The following SCHIP1 variants were observed in gnomAD, a reference collection of about 807,000 sequenced individuals.
The protein encoded by SCHIP1 is schwannomin-interacting protein 1.
SCHIP1 carries 8 observed loss-of-function variants against 29.7 expected under a neutral mutation model. That is an observed-to-expected ratio of 0.27 (90% CI 0.16 to 0.49). SCHIP1 has a LOEUF of 0.49. Ranked by LOEUF, SCHIP1 falls within the 20% of genes least tolerant of loss-of-function variation. The pLI is 0.99. For synonymous variants in SCHIP1, 76 were observed against 94.9 expected, an observed-to-expected ratio of 0.80 and a Z score of 1.16; for missense variants, 193 against 294.6, an observed-to-expected ratio of 0.66 and a Z score of 2.52.
chr3:159,534,140 C>T, the SCHIP1 span, among the ~76,000 whole-genome samples: 1 of 152,114 alleles, frequency 6.6e-6, no homozygotes, highest in East Asian at 1.9e-4. Context: ...TTACTCTATC[C>T]TTTTAATACT....
intron 5 of SCHIP1, among the ~76,000 whole-genome samples, chr3:159,890,025 G>T (rs1183202858): frequency 1.3e-5 from 2 of 151,836 alleles, no homozygotes; most frequent in Non-Finnish European, 2.9e-5. Context: ...AACCCGGGAG[G>T]CGGAGCTTGC....
At chr3:159,472,739 G>A in the SCHIP1 span, among the ~76,000 whole-genome samples, 1 of 152,168 alleles carries the variant, frequency 6.6e-6, no homozygotes, top group Non-Finnish European at 1.5e-5. Flanking sequence ...CCCATGTGCT[G>A]CCCAGAGGCT....
the SCHIP1 span, among the ~76,000 whole-genome samples, chr3:159,826,422 C>T: frequency 2.6e-5 from 4 of 152,208 alleles, no homozygotes; most frequent in Non-Finnish European, 5.9e-5. Context: ...GCCCAAGTAG[C>T]TTAAACCATC....
chr3:159,319,166 G>A, the SCHIP1 span, among the ~76,000 whole-genome samples: 3 of 152,222 alleles, frequency 2.0e-5, no homozygotes, highest in Admixed American at 2.0e-4. Context: ...GTGGTCATAT[G>A]GCCCAAGTGG....
the SCHIP1 span, among the ~76,000 whole-genome samples, chr3:159,717,184 G>A: frequency 1.3e-5 from 2 of 152,144 alleles, no homozygotes; most frequent in Admixed American, 6.5e-5. Context: ...TGAAACCAAT[G>A]ATAACAAAGA....
chr3:159,273,587 C>G, the SCHIP1 span: 1 of 1,280,026 alleles, frequency 7.8e-7, no homozygotes, highest in South Asian at 2.4e-5. Context: ...CCAAAAAGCT[C>G]TCGCTCTTTT....
the SCHIP1 span, among the ~76,000 whole-genome samples, chr3:159,407,421 C>T: frequency 5.3e-5 from 8 of 152,060 alleles, no homozygotes; most frequent in Non-Finnish European, 1.2e-4. Flanking sequence ...GAGAGATGGG[C>T]CCCAGTACAT....
At chr3:159,719,212 T>C in the SCHIP1 span, among the ~76,000 whole-genome samples, 1 of 152,146 alleles carries the variant, frequency 6.6e-6, no homozygotes, top group African/African-American at 2.4e-5. Context: ...CCCTTCCTTA[T>C]ACCTCATACA....
chr3:159,659,284 C>T, the SCHIP1 span, among the ~76,000 whole-genome samples: 1 of 152,198 alleles, frequency 6.6e-6, no homozygotes, highest in African/African-American at 2.4e-5. Context: ...GGTGATCCGA[C>T]TGATCATGAA....
At chr3:159,599,424 C>T in the SCHIP1 span, among the ~76,000 whole-genome samples, 2 of 152,122 alleles carry the variant, frequency 1.3e-5, no homozygotes, top group African/African-American at 4.8e-5. Flanking sequence ...GCCCTTTCCC[C>T]AAAGTCCCCA....
At chr3:159,726,078 C>T in the SCHIP1 span, among the ~76,000 whole-genome samples, 1 of 152,114 alleles carries the variant, frequency 6.6e-6, no homozygotes, top group Non-Finnish European at 1.5e-5. Flanking sequence ...CCCTTGCAAC[C>T]TTTGAAGTTT....
At chr3:159,888,150 A>G (rs1717141217) in intron 4 of SCHIP1, 2 of 544,556 alleles carry the variant, frequency 3.7e-6, no homozygotes, top group Non-Finnish European at 6.5e-6. Context: ...TTTCTTAGCA[A>G]CAATATTAGC....
chr3:159,306,598 A>T, the SCHIP1 span: 1 of 923,418 alleles, frequency 1.1e-6, no homozygotes, highest in Admixed American at 6.2e-5. Flanking sequence ...TATGAAAAAA[A>T]TATACAAACA....
the SCHIP1 span, among the ~76,000 whole-genome samples, chr3:159,458,551 T>C: frequency 6.7e-6 from 1 of 149,026 alleles, no homozygotes; most frequent in East Asian, 2.0e-4. Context: ...TCACAACAGA[T>C]GAACTGACTT....
the SCHIP1 span, among the ~76,000 whole-genome samples, chr3:159,454,646 A>G: frequency 2.2e-4 from 33 of 152,344 alleles, no homozygotes; most frequent in African/African-American, 7.7e-4. Flanking sequence ...CCATGGTCTC[A>G]GAAGACAGCC....
the SCHIP1 span, among the ~76,000 whole-genome samples, chr3:159,564,727 C>T: frequency 1.3e-5 from 2 of 152,282 alleles, no homozygotes; most frequent in African/African-American, 4.8e-5. Flanking sequence ...ACAGCGTATA[C>T]TCTTTTATAT....
chr3:159,566,532 G>T, the SCHIP1 span, among the ~76,000 whole-genome samples: 53 of 152,276 alleles, frequency 3.5e-4, no homozygotes, highest in African/African-American at 1.3e-3. Flanking sequence ...AAAAGAAAGT[G>T]AAATTGGGAA....
chr3:159,695,817 A>G, the SCHIP1 span, among the ~76,000 whole-genome samples: 17 of 152,150 alleles, frequency 1.1e-4, no homozygotes, highest in Non-Finnish European at 2.2e-4. Context: ...ACCACTATCC[A>G]TATAATCACC....
At chr3:159,370,917 G>T in the SCHIP1 span, among the ~76,000 whole-genome samples, 1 of 152,076 alleles carries the variant, frequency 6.6e-6, no homozygotes, top group Non-Finnish European at 1.5e-5. Flanking sequence ...AGTTTTCTTA[G>T]TTTTCCAGCT....
Sources: gnomAD v4.1 joint callset for allele counts (sites outside exome capture counted in the v4.1 genomes callset) on GRCh38, gnomAD v4.1.1 for gene constraint, MANE v1.5 for transcripts, NCBI Gene and HGNC (gene_info 2026-07-23, HGNC 2026-07-21) for gene names.